The following ATOSA variants were observed in gnomAD, a reference collection of about 807,000 sequenced individuals.
ATOSA encodes atos homolog A.
chr15:52,597,749 T>C, the ATOSA span, among the ~76,000 whole-genome samples: 3 of 152,192 alleles, frequency 2.0e-5, no homozygotes, highest in African/African-American at 7.2e-5. Flanking sequence ...TGTCCAATCT[T>C]TTGGCTTCCC....
At chr15:52,585,972 C>T in the ATOSA span, 1 of 152,176 alleles carries the variant, frequency 6.6e-6, no homozygotes, top group Non-Finnish European at 1.5e-5. Context: ...GAGTTCAAAT[C>T]ATGTTTATAC....
At chr15:52,625,540 A>G in the ATOSA span, among the ~76,000 whole-genome samples, 13 of 152,206 alleles carry the variant, frequency 8.5e-5, no homozygotes, top group Admixed American at 5.2e-4. Context: ...CTTATCAACT[A>G]TAAGTAAAAA....
the ATOSA span, among the ~76,000 whole-genome samples, chr15:52,702,330 T>G: frequency 6.6e-6 from 1 of 152,132 alleles, no homozygotes; most frequent in Non-Finnish European, 1.5e-5. Flanking sequence ...ATGGCACTAT[T>G]CACAATAGCA....
chr15:52,626,075 T>A, the ATOSA span, among the ~76,000 whole-genome samples: 1 of 152,206 alleles, frequency 6.6e-6, no homozygotes, highest in Non-Finnish European at 1.5e-5. Flanking sequence ...ATATAAGTGT[T>A]AAATTTAAAA....
At chr15:52,655,144 C>T in the ATOSA span, among the ~76,000 whole-genome samples, 2 of 152,070 alleles carry the variant, frequency 1.3e-5, no homozygotes, top group Non-Finnish European at 2.9e-5. Flanking sequence ...AATATATGTG[C>T]CCTTAACCAC....
the ATOSA span, among the ~76,000 whole-genome samples, chr15:52,650,395 C>G: frequency 6.6e-6 from 1 of 152,256 alleles, no homozygotes; most frequent in East Asian, 1.9e-4. Context: ...CTAAGAAATG[C>G]CAGTCTTTTA....
chr15:52,639,466 T>C, the ATOSA span, among the ~76,000 whole-genome samples: 1 of 152,180 alleles, frequency 6.6e-6, no homozygotes, highest in Non-Finnish European at 1.5e-5. Flanking sequence ...AATAAGAGTA[T>C]CTAGTGAGTA....
the ATOSA span, among the ~76,000 whole-genome samples, chr15:52,643,655 C>T: frequency 6.6e-6 from 1 of 151,764 alleles, no homozygotes; most frequent in Non-Finnish European, 1.5e-5. Flanking sequence ...GTGGCTCACG[C>T]CTGTAATCCC....
the ATOSA span, among the ~76,000 whole-genome samples, chr15:52,620,567 A>G: frequency 2.0e-5 from 3 of 152,226 alleles, no homozygotes; most frequent in Non-Finnish European, 2.9e-5. Flanking sequence ...CCAGAGAAGG[A>G]GAAGGAGTCT....
the ATOSA span, chr15:52,679,395 G>GT: frequency 6.6e-6 from 1 of 152,546 alleles, no homozygotes; most frequent in African/African-American, 2.4e-5. Context: ...CACTGCCTAG[G>GT]TCACGTGTCC....
chr15:52,678,141 AAATT>A, the ATOSA span: 1 of 1,241,382 alleles, frequency 8.1e-7, no homozygotes, highest in Non-Finnish European at 1.2e-6. Context: ...GACAAAAATA[AAATT>A]AATCTGGCCC....
the ATOSA span, among the ~76,000 whole-genome samples, chr15:52,700,142 CT>C: frequency 6.6e-6 from 1 of 152,244 alleles, no homozygotes; most frequent in South Asian, 2.1e-4. Context: ...TACTACATTT[CT>C]TTTCTTTACA....
At chr15:52,625,948 C>G in the ATOSA span, among the ~76,000 whole-genome samples, 31 of 152,302 alleles carry the variant, frequency 2.0e-4, no homozygotes, top group African/African-American at 7.2e-4. Flanking sequence ...CATCTCTTTC[C>G]TCAGTATTTC....
At chr15:52,658,756 T>C in the ATOSA span, 13 of 365,220 alleles carry the variant, frequency 3.6e-5, no homozygotes, top group Non-Finnish European at 6.0e-5. Context: ...CTTGAGGACA[T>C]GAGTTTAAGA....
chr15:52,595,745 T>C, the ATOSA span, among the ~76,000 whole-genome samples: 30 of 152,188 alleles, frequency 2.0e-4, no homozygotes, highest in African/African-American at 4.6e-4. Flanking sequence ...CAATGAACAA[T>C]TGACAATTAA....
the ATOSA span, chr15:52,611,375 G>T: frequency 7.6e-7 from 1 of 1,321,588 alleles, no homozygotes; most frequent in Non-Finnish European, 1.0e-6. Context: ...AAGAGCATAG[G>T]AATACACTTA....
the ATOSA span, among the ~76,000 whole-genome samples, chr15:52,652,645 C>T: frequency 6.6e-6 from 1 of 152,216 alleles, no homozygotes; most frequent in African/African-American, 2.4e-5. Flanking sequence ...AACAGGTTAC[C>T]AGACTGACTA....
At chr15:52,611,104 T>C in the ATOSA span, 2 of 1,590,018 alleles carry the variant, frequency 1.3e-6, no homozygotes, top group African/African-American at 1.4e-5. Context: ...ATACGCACTG[T>C]CCTTTTTTTT....
chr15:52,705,944 T>C, the ATOSA span, among the ~76,000 whole-genome samples: 229 of 152,352 alleles, frequency 1.5e-3, no homozygotes, highest in African/African-American at 5.3e-3. Context: ...TGGTATTCCA[T>C]TGTATTAATA....
Sources: allele counts gnomAD v4.1 joint callset (sites outside exome capture counted in the v4.1 genomes callset), GRCh38; gene constraint gnomAD v4.1.1; transcripts MANE v1.5; gene names NCBI Gene and HGNC (gene_info 2026-07-23, HGNC 2026-07-21).